The following GLUD1 variants were observed in gnomAD, a reference collection of about 807,000 sequenced individuals.
The protein encoded by GLUD1 is glutamate dehydrogenase 1, also known as glutamate dehydrogenase 1, mitochondrial.
A neutral mutation model predicts 56.0 loss-of-function variants in GLUD1; 22 were observed. That is an observed-to-expected ratio of 0.39 (90% CI 0.28 to 0.56). The LOEUF (loss-of-function observed/expected upper bound fraction) is 0.56, where lower values mean the gene tolerates loss of function less well. Ranked by LOEUF, GLUD1 falls within the 20% of genes least tolerant of loss-of-function variation. GLUD1 has a pLI of 0.58. For missense variants in GLUD1, 451 were observed against 732.0 expected, an observed-to-expected ratio of 0.62 and a Z score of 4.43; for synonymous variants, 223 against 269.9, an observed-to-expected ratio of 0.83 and a Z score of 1.70.
chr10:87,093,825 T>G (rs947779785), intron 1 of GLUD1: 14 of 921,502 alleles, frequency 1.5e-5, no homozygotes, highest in Admixed American at 4.7e-5. Context: ...GATTTCAAAC[T>G]TAGAAGCCAA....
chr10:87,070,603 C>CA (rs1172279551), intron 4 of GLUD1, among the ~76,000 whole-genome samples: 4 of 151,350 alleles, frequency 2.6e-5, no homozygotes, highest in African/African-American at 7.3e-5. Context: ...GTCTCAAAAT[C>CA]AAAAAAACAA....
At chr10:87,056,742 C>G (rs980165607) in intron 11 of GLUD1, among the ~76,000 whole-genome samples, 1 of 148,986 alleles carries the variant, frequency 6.7e-6, no homozygotes, top group African/African-American at 2.5e-5. Flanking sequence ...AAGAGCTGCA[C>G]CAATCTACAC....
chr10:87,085,688 G>A (rs1034901506), intron 1 of GLUD1, among the ~76,000 whole-genome samples: 4 of 152,136 alleles, frequency 2.6e-5, no homozygotes, highest in Non-Finnish European at 4.4e-5. Context: ...TATGACCCCA[G>A]TCTTCTCCTT....
intron 6 of GLUD1, among the ~76,000 whole-genome samples, chr10:87,061,630 T>C (rs1845933853): frequency 6.6e-6 from 1 of 151,982 alleles, no homozygotes; most frequent in African/African-American, 2.4e-5. Context: ...TTTTTTTTTT[T>C]TTTTGAGACC....
At chr10:87,074,821 C>T (rs942091173) in intron 3 of GLUD1, among the ~76,000 whole-genome samples, 6 of 152,070 alleles carry the variant, frequency 3.9e-5, no homozygotes, top group African/African-American at 1.4e-4. Context: ...GATAGTAGAA[C>T]TAGGGCTCAA....
intron 4 of GLUD1, among the ~76,000 whole-genome samples, chr10:87,073,160 C>T (rs1385166679): frequency 6.6e-6 from 1 of 151,820 alleles, no homozygotes. Flanking sequence ...ATTTCTCTTT[C>T]TTCTTGAGAT....
chr10:87,081,662 T>C (rs569904883), intron 1 of GLUD1, among the ~76,000 whole-genome samples: 58 of 152,266 alleles, frequency 3.8e-4, no homozygotes, highest in African/African-American at 1.4e-3. Flanking sequence ...AACCCTGTGC[T>C]CTCTGTAACA....
intron 6 of GLUD1, chr10:87,061,274 C>A: frequency 4.6e-6 from 3 of 655,104 alleles, no homozygotes; most frequent in South Asian, 4.5e-5. Flanking sequence ...GTAATTCCAG[C>A]ACTTTGGGAG....
At position 87,073,983 on chromosome 10, in the gene GLUD1, T is replaced by C. The variant is rs187021587; in HGVS notation, c.646+568A>G. Among the ~76,000 whole-genome samples, 4 of 152,204 alleles carry C rather than the reference T, an allele frequency of 2.6e-5. No individual in the cohort carries two copies. The East Asian group carries it at 7.7e-4, about 29-fold the overall frequency. On this transcript the variant is annotated intron_variant, in intron 4 of 12. Transcript: ENST00000277865. ...AAGCATTCTATTAAGTAGTTATGCATATTCTATTCAAACAAATTAGAAGCC... is the reference window on the plus strand; with the variant it reads ...AAGCATTCTATTAAGTAGTTATGCACATTCTATTCAAACAAATTAGAAGCC...
chr10:87,075,739 T>C (rs1039701291), intron 3 of GLUD1, among the ~76,000 whole-genome samples: 1 of 152,114 alleles, frequency 6.6e-6, no homozygotes, highest in African/African-American at 2.4e-5. Context: ...CTGGCCAACA[T>C]GGTGAAATCC....
chr10:87,088,603 C>T (rs1442959314), intron 1 of GLUD1, among the ~76,000 whole-genome samples: 2 of 152,012 alleles, frequency 1.3e-5, no homozygotes, highest in East Asian at 3.9e-4. Flanking sequence ...TTTTAAAAGT[C>T]CTATGTTGAT....
At chr10:87,078,165 G>A (rs2082113436) in intron 1 of GLUD1, among the ~76,000 whole-genome samples, 2 of 152,160 alleles carry the variant, frequency 1.3e-5, no homozygotes, top group South Asian at 4.1e-4. Flanking sequence ...ATCATATTTA[G>A]AGGAGTATGT....
chr10:87,081,083 C>G (rs1249609088), intron 1 of GLUD1, among the ~76,000 whole-genome samples: 1 of 147,620 alleles, frequency 6.8e-6, no homozygotes, highest in Admixed American at 6.7e-5. Context: ...GTCAGCCCCC[C>G]GCCCGGCCAG....
chr10:87,059,143 T>C lies in GLUD1; in HGVS notation c.1402+7A>G. The C allele has an allele frequency of 7.4e-6, 12 of 1,612,546 alleles. No individual in the cohort carries two copies. Among genetic ancestry groups the C allele is most frequent in the Non-Finnish European group, 1.0e-5 (12 of 1,180,000 alleles). On this transcript the variant is annotated splice_region_variant and intron_variant, in intron 10 of 12. Coordinates refer to ENST00000277865, the MANE Select transcript of GLUD1 (RefSeq NM_005271.5). Reference sequence around the variant, plus strand: ...GAGTTTTGGCGAACAAGATTATCGATACTCACTGAGCAAGTGGTAGTTAGA... The same window carrying C: ...GAGTTTTGGCGAACAAGATTATCGACACTCACTGAGCAAGTGGTAGTTAGA...
At chr10:87,065,656 T>G (rs1364084219) in intron 5 of GLUD1, among the ~76,000 whole-genome samples, 1 of 152,090 alleles carries the variant, frequency 6.6e-6, no homozygotes, top group Non-Finnish European at 1.5e-5. Context: ...AAACCACAAT[T>G]ATTTGAAGGG....
Position 87,051,657 on chromosome 10 carries a change from A to G in GLUD1, c.*94T>C. On this transcript the variant is annotated 3_prime_UTR_variant, in exon 13 of 13. Transcript: ENST00000277865. The stretch of plus-strand genomic sequence containing the variant: ...TGGTATCCATTATTAATGAGTCAGG[A>G]GAGAAAGGGATTTCTGTGGTTACAT... The G allele has an allele frequency of 2.2e-6, 3 of 1,344,310 alleles. No homozygotes were observed. The highest frequency in any genetic ancestry group is 3.2e-6 in the Non-Finnish European group (3 of 935,838). The allele number at this position is 1,344,310 out of a possible 1,614,324, so 83.3% of individuals were successfully genotyped here.
At chr10:87,080,205 G>T (rs1841179413) in intron 1 of GLUD1, among the ~76,000 whole-genome samples, 1 of 152,060 alleles carries the variant, frequency 6.6e-6, no homozygotes, top group East Asian at 1.9e-4. Flanking sequence ...CTCCGGAGGT[G>T]CCAGGATTGC....
chr10:87,060,674 TATA>T lies in GLUD1; in HGVS notation c.1197+11_1197+13del. ...CATTGATAATGTTGGTTCTGGTTTC[TATA>T]ATGTTGTCACCTTGGCTTTGACTCT... On this transcript the variant is annotated intron_variant, in intron 8 of 12. Coordinates refer to ENST00000277865, the MANE Select transcript of GLUD1 (RefSeq NM_005271.5). 6.2e-7 allele frequency: 1 copy of T among 1,614,182 alleles called. No homozygotes were observed. The highest frequency in any genetic ancestry group is 8.5e-7 in the Non-Finnish European group (1 of 1,180,018).
chr10:87,066,243 T>A (rs1375947757), intron 5 of GLUD1, among the ~76,000 whole-genome samples: 2 of 152,170 alleles, frequency 1.3e-5, no homozygotes, highest in African/African-American at 4.8e-5. Flanking sequence ...CTATATTTCA[T>A]GCCCTGCTTC....
Sources: allele counts gnomAD v4.1 joint callset (sites outside exome capture counted in the v4.1 genomes callset), GRCh38; gene constraint gnomAD v4.1.1; transcripts MANE v1.5; gene names NCBI Gene and HGNC (gene_info 2026-07-23, HGNC 2026-07-21).